ANK1: variants seen among roughly 807,000 people sequenced by gnomAD.
ANK1 encodes ankyrin 1.
A neutral mutation model predicts 210.4 loss-of-function variants in ANK1; 51 were observed. That is an observed-to-expected ratio of 0.24 (90% CI 0.19 to 0.31). ANK1 has a LOEUF of 0.31. ANK1 is among the 10% of genes least tolerant of loss of function. The pLI is 1.00. For synonymous variants in ANK1, 967 were observed against 1,025.9 expected (o/e 0.94, Z 1.10); for missense variants, 2,051 against 2,504.4 (o/e 0.82, Z 3.86).
At chr8:41,852,178 G>A (rs925747146) in intron 1 of ANK1, among the ~76,000 whole-genome samples, 1 of 152,186 alleles carries the variant, frequency 6.6e-6, no homozygotes, top group Admixed American at 6.5e-5. Context: ...GGCCTTGGAG[G>A]GAAAGGAGGA....
In ANK1 at chr8:41,704,199, C is replaced by CAA; in HGVS notation, c.2197-61_2197-60insTT. 2.7e-6 allele frequency: 4 copies of CAA among 1,466,010 alleles called. No individual in the cohort carries two copies. The highest frequency in any genetic ancestry group is 3.8e-6 in the Non-Finnish European group (4 of 1,046,522). The allele number at this position is 1,466,010 out of a possible 1,614,324, so 90.8% of individuals were successfully genotyped here. A position where few individuals can be genotyped will look rare whatever the true frequency, so the allele number is the denominator to read the frequency against. On this transcript the variant is annotated intron_variant, in intron 19 of 42. Transcript: ENST00000289734. The surrounding 1 kb of genome is among the most constrained non-coding windows in gnomAD (Gnocchi z 4.1). ...CAGCCACTAGACAGAGACCTGCCTACACATGATAGTGCCTGCCCATCTTCG... is the reference window on the plus strand; with the variant it reads ...CAGCCACTAGACAGAGACCTGCCTACAAACATGATAGTGCCTGCCCATCTTCG...
chr8:41,723,796 T>A (rs11996629), intron 7 of ANK1, among the ~76,000 whole-genome samples, 163 bp from the exon 8 acceptor site: 4,322 of 149,992 alleles, frequency 0.029, 141 homozygotes, highest in African/African-American at 0.075. Flanking sequence ...TTTTTTATTT[T>A]TTTTTTTTTT....
intron 42 of ANK1, among the ~76,000 whole-genome samples, chr8:41,658,142 T>C (rs1014593318): frequency 6.6e-6 from 1 of 152,192 alleles, no homozygotes; most frequent in Non-Finnish European, 1.5e-5. Flanking sequence ...AGTGCTGGGA[T>C]TACAGGCATG....
In ANK1 at chr8:41,874,707, C is replaced by CTCT. The variant is rs539991805; in HGVS notation, c.126+21645_126+21647dup. 3.3e-5 allele frequency among the ~76,000 whole-genome samples: 5 copies of CTCT among 152,368 alleles called. No homozygotes were observed. The East Asian group carries it at 9.6e-4, about 29-fold the overall frequency. On this transcript the variant is annotated intron_variant, in intron 1 of 42. Coordinates refer to the ANK1 transcript ENST00000265709. ...GTCTGCCTCTGTCACAGCAGCCCAG[C>CTCT]TCTTCAGCACTGGCTAAGAAAAAAC...
chr8:41,727,489 G>A, intron 4 of ANK1, 141 bp from the exon 5 acceptor site: 1 of 729,690 alleles, frequency 1.4e-6, no homozygotes, highest in Non-Finnish European at 2.4e-6. Context: ...GAAACTCATT[G>A]TCATGGTGAC....
intron 1 of ANK1, among the ~76,000 whole-genome samples, chr8:41,830,105 T>C (rs1356434257): frequency 6.6e-6 from 1 of 151,492 alleles, no homozygotes; most frequent in East Asian, 1.9e-4. Context: ...CCTGCAGTAA[T>C]CCAACTAGAA....
intron 37 of ANK1, 29 bp downstream of exon 37, chr8:41,684,515 A>T (rs1817106582): frequency 1.2e-6 from 2 of 1,612,604 alleles, no homozygotes; most frequent in Non-Finnish European, 8.5e-7. Context: ...GCTCCGGCTC[A>T]GTCCCCATCT....
chr8:41,877,153 G>A (rs1230638490), intron 1 of ANK1, among the ~76,000 whole-genome samples: 1 of 152,206 alleles, frequency 6.6e-6, no homozygotes, highest in Non-Finnish European at 1.5e-5. Context: ...TTAAAAATAT[G>A]TGTTATGGAA....
At chr8:41,832,039 G>A (rs903360512) in intron 1 of ANK1, among the ~76,000 whole-genome samples, 34 of 152,116 alleles carry the variant, frequency 2.2e-4, no homozygotes, top group Admixed American at 4.6e-4. Flanking sequence ...GCCTACTGAG[G>A]GGCAGCACAA....
intron 1 of ANK1, among the ~76,000 whole-genome samples, chr8:41,886,737 C>T (rs1387107692): frequency 7.2e-5 from 11 of 152,112 alleles, no homozygotes; most frequent in Non-Finnish European, 2.9e-5. Flanking sequence ...AGCAATAAGA[C>T]AGGAGAGGCA....
At chr8:41,777,727 C>T (rs1844396654) in intron 1 of ANK1, among the ~76,000 whole-genome samples, 2 of 152,330 alleles carry the variant, frequency 1.3e-5, no homozygotes, top group Admixed American at 6.5e-5. Context: ...AACATCAGTG[C>T]TGAAGTCCAC....
At chr8:41,785,827 A>T (rs1249708309) in intron 1 of ANK1, among the ~76,000 whole-genome samples, 1 of 151,866 alleles carries the variant, frequency 6.6e-6, no homozygotes, top group Non-Finnish European at 1.5e-5. Flanking sequence ...TGCTTTCCAG[A>T]CCCTTTAAAC....
Position 41,702,107 on chromosome 8 carries a change from C to T in ANK1, c.2333G>A (p.Gly778Asp). 1.2e-6 allele frequency: 2 copies of T among 1,614,154 alleles called. No individual in the cohort carries two copies. Among genetic ancestry groups the T allele is most frequent in the South Asian group, 2.2e-5 (2 of 91,086 alleles). Residue 778 changes from glycine (G) to aspartate (D), a missense_variant, in exon 21 of 43, where the codon GGC becomes GAC. By Grantham distance (94) the Gly-to-Asp change is moderately conservative. This residue lies in a region of ANK1 where 1,413 missense variants were observed against 1,707.4 expected (regional missense o/e 0.83). Transcript: ENST00000289734. ...TTPLAIAKRL[G>D]YISVTDVLKV... ...GAGCACGTCGGTGACAGAAATGTAG[C>T]CCAAGCGCTTGGCTATGGCCAGAGG...
intron 17 of ANK1, among the ~76,000 whole-genome samples, chr8:41,707,441 G>T (rs1824895403): frequency 6.6e-6 from 1 of 152,184 alleles, no homozygotes; most frequent in African/African-American, 2.4e-5. Flanking sequence ...CTGCCCAGAG[G>T]CTTGTGGGCA....
chr8:41,727,434 C>A, intron 4 of ANK1, 86 bp from the exon 5 acceptor site: 1 of 947,494 alleles, frequency 1.1e-6, no homozygotes, highest in Non-Finnish European at 1.7e-6. Context: ...ACCTGGAGGA[C>A]AGCGCTCTCT....
chr8:41,824,596 CA>C (rs1267670553), intron 1 of ANK1, among the ~76,000 whole-genome samples: 11 of 152,250 alleles, frequency 7.2e-5, no homozygotes, highest in South Asian at 2.1e-4. Context: ...ATTCAAGGGA[CA>C]GGGGGGCATT....
chr8:41,734,146 CCCTT>C, intron 2 of ANK1, 77 bp from the exon 3 acceptor site: 3 of 1,220,328 alleles, frequency 2.5e-6, no homozygotes, highest in Non-Finnish European at 3.6e-6. Context: ...GGGCCCAGGC[CCCTT>C]CCCAGCCCTG....
intron 1 of ANK1, among the ~76,000 whole-genome samples, chr8:41,849,386 T>C (rs1810729787): frequency 6.6e-6 from 1 of 152,212 alleles, no homozygotes; most frequent in South Asian, 2.1e-4. Context: ...TAGCCGGGCA[T>C]GGTGGCAAGT....
intron 2 of ANK1, among the ~76,000 whole-genome samples, chr8:41,742,706 G>A (rs550567262): frequency 1.3e-5 from 2 of 152,340 alleles, no homozygotes; most frequent in East Asian, 1.9e-4. Flanking sequence ...AAGATATTAT[G>A]GGGATGGAAG....
Sources: gnomAD v4.1 joint callset for allele counts (sites outside exome capture counted in the v4.1 genomes callset) on GRCh38, gnomAD v4.1.1 for gene constraint, gnomAD v4.1.1 regional missense constraint, Gnocchi (gnomAD v3.1) non-coding constraint, MANE v1.5 for transcripts, NCBI Gene and HGNC (gene_info 2026-07-23, HGNC 2026-07-21) for gene names.